Variants in XKRX observed in about 807,000 individuals in gnomAD.
XKRX encodes the protein XK-related protein 2.
In XKRX, 11 loss-of-function variants were observed where a neutral mutation model predicts 22.4. The ratio of observed to expected loss-of-function variants is 0.49; its 90% CI spans 0.31 to 0.81. The LOEUF (loss-of-function observed/expected upper bound fraction) is 0.81. Ranked by LOEUF, XKRX falls within the 40% of genes least tolerant of loss-of-function variation. The pLI, the probability that XKRX is intolerant of heterozygous loss-of-function variation, is 0.05. For synonymous variants in XKRX, 114 were observed against 132.2 expected, an observed-to-expected ratio of 0.86 and a Z score of 0.94; for missense variants, 320 against 336.5, an observed-to-expected ratio of 0.95 and a Z score of 0.38.
chrX:100,948,292 A>T, the XKRX span, among the ~76,000 whole-genome samples: 5 of 111,854 alleles, frequency 4.5e-5, no homozygotes, highest in African/African-American at 1.6e-4. Flanking sequence ...ATAACCAAAG[A>T]AAGTAGAAAG....
chrX:100,888,266 A>G, the XKRX span: 4 of 749,466 alleles, frequency 5.3e-6, no homozygotes, highest in Non-Finnish European at 8.2e-6. Flanking sequence ...AATGCCACCA[A>G]CAAATATCTT....
At chrX:100,893,624 A>C in the XKRX span, among the ~76,000 whole-genome samples, 1 of 112,555 alleles carries the variant, frequency 8.9e-6, no homozygotes, top group Non-Finnish European at 1.9e-5. Context: ...ATGGAATACT[A>C]CACAGTCACA....
the XKRX span, among the ~76,000 whole-genome samples, chrX:100,950,599 A>T: frequency 8.9e-6 from 1 of 112,506 alleles, no homozygotes; most frequent in East Asian, 2.8e-4. Flanking sequence ...TTTAAAGAGC[A>T]CATGGAATCT....
upstream of XKRX, among the ~76,000 whole-genome samples, chrX:100,929,712 T>C (rs1361575951): frequency 9.0e-6 from 1 of 111,577 alleles, no homozygotes; most frequent in Non-Finnish European, 1.9e-5. Context: ...ATTTTATGCC[T>C]TGATTTCTCC....
chrX:100,899,332 T>C, the XKRX span, among the ~76,000 whole-genome samples: 1 of 112,455 alleles, frequency 8.9e-6, no homozygotes, highest in South Asian at 3.7e-4. Flanking sequence ...CTGGCCAACA[T>C]GGTGAAACTC....
intron 2 of XKRX, among the ~76,000 whole-genome samples, chrX:100,922,135 C>T (rs1369221839): frequency 1.8e-5 from 2 of 110,893 alleles, no homozygotes; most frequent in African/African-American, 3.3e-5. Flanking sequence ...GCCCAGCCCA[C>T]GCTCCTTTTC....
At chrX:100,908,106 AGTGTGTGTGTGT>A in the XKRX span, among the ~76,000 whole-genome samples, 45 of 86,992 alleles carry the variant, frequency 5.2e-4, no homozygotes, top group Middle Eastern at 6.2e-3. Context: ...TCATGCATGG[AGTGTGTGTGTGT>A]GTGTGTGTGT....
the XKRX span, among the ~76,000 whole-genome samples, chrX:100,889,406 T>A: frequency 1.2e-4 from 13 of 109,668 alleles, no homozygotes; most frequent in South Asian, 4.0e-4. Context: ...TTATTTATTT[T>A]TTTAAATTTT....
the XKRX span, among the ~76,000 whole-genome samples, chrX:100,950,576 G>C: frequency 1.8e-5 from 2 of 112,262 alleles, no homozygotes; most frequent in African/African-American, 6.5e-5. Context: ...ACCAACAGCA[G>C]AGCAGATGTT....
At chrX:100,887,611 C>T in the XKRX span, 1 of 656,704 alleles carries the variant, frequency 1.5e-6, no homozygotes, top group Non-Finnish European at 2.5e-6. Flanking sequence ...TGGCTCTCCT[C>T]TCCTGCTAAG....
At chrX:100,929,128 C>CG (rs1286055967), upstream of XKRX, 1 of 112,340 alleles carries the variant, frequency 8.9e-6, no homozygotes, top group Non-Finnish European at 1.9e-5. Context: ...GCACGATGTG[C>CG]GGGGCGCCAA....
chrX:100,891,303 T>C, the XKRX span, among the ~76,000 whole-genome samples: 1 of 111,081 alleles, frequency 9.0e-6, no homozygotes, highest in Non-Finnish European at 1.9e-5. Flanking sequence ...CCTATCAAAA[T>C]TCCAAGGACA....
chrX:100,895,765 C>T, the XKRX span, among the ~76,000 whole-genome samples: 9 of 112,016 alleles, frequency 8.0e-5, no homozygotes, highest in African/African-American at 2.9e-4. Context: ...CTTGTGTATA[C>T]TGGGGTATAC....
chrX:100,891,896 A>C, the XKRX span, among the ~76,000 whole-genome samples: 1 of 111,657 alleles, frequency 9.0e-6, no homozygotes, highest in African/African-American at 3.2e-5. Context: ...AAAAAACTCA[A>C]AATGGATTAA....
the XKRX span, chrX:100,888,562 G>A: frequency 7.7e-5 from 41 of 531,129 alleles, no homozygotes; most frequent in African/African-American, 7.9e-4. Context: ...TCAGCTATTC[G>A]GGCTCTTTAG....
chrX:100,897,593 A>ATATATGTGTGTGTGTG, the XKRX span, among the ~76,000 whole-genome samples: 13 of 66,474 alleles, frequency 2.0e-4, no homozygotes, highest in African/African-American at 7.8e-4. Context: ...AAATATATAT[A>ATATATGTGTGTGTGTG]TGTGTGTGTG....
At chrX:100,955,703 A>T in the XKRX span, among the ~76,000 whole-genome samples, 3 of 111,792 alleles carry the variant, frequency 2.7e-5, no homozygotes, top group African/African-American at 9.7e-5. Flanking sequence ...TTTTCTTTTT[A>T]AAAAAGCAAA....
rs764633783 is a variant in XKRX at position 100,928,042 on chromosome X, A to G, written c.263T>C (p.Val88Ala). 2 of 1,211,206 alleles carry G rather than the reference A, an allele frequency of 1.7e-6. No homozygotes were observed. Among genetic ancestry groups the G allele is most frequent in the Non-Finnish European group, 2.2e-6 (2 of 895,235 alleles). ...TTTATCTTTGGCTAGATCTCTGTGG[A>G]CAAAAATGAGGGTCAACTGGACCAT... ...SIMVQLTLIFVHRDLAKDKPL... is the reference protein window; with the variant it reads ...SIMVQLTLIFAHRDLAKDKPL... Residue 88 changes from valine (V) to alanine (A), a missense_variant, in exon 1 of 3, where the codon GTC becomes GCC. Physicochemically the swap from Val to Ala is moderately conservative, Grantham distance 64. Coordinates refer to ENST00000372956, the MANE Select transcript of XKRX (RefSeq NM_212559.3).
chrX:100,940,208 T>A, the XKRX span, among the ~76,000 whole-genome samples: 1 of 111,881 alleles, frequency 8.9e-6, no homozygotes, highest in East Asian at 2.8e-4. Context: ...AATGTCCTTA[T>A]GATTTAGGAG....
Sources: allele counts gnomAD v4.1 joint callset (sites outside exome capture counted in the v4.1 genomes callset), GRCh38; gene constraint gnomAD v4.1.1; transcripts MANE v1.5; gene names NCBI Gene and HGNC (gene_info 2026-07-23, HGNC 2026-07-21).